TBC1D22A: variants seen among roughly 807,000 people sequenced by gnomAD.
TBC1D22A encodes the protein TBC1 domain family member 22A.
TBC1D22A carries 38 observed loss-of-function variants against 60.2 expected under a neutral mutation model. The observed-to-expected ratio is 0.63, with a 90% CI of 0.49 to 0.83. TBC1D22A has a LOEUF of 0.83. TBC1D22A is among the 40% of genes least tolerant of loss of function. TBC1D22A has a pLI of 0.00. For missense variants in TBC1D22A, 628 were observed against 701.0 expected, an observed-to-expected ratio of 0.90 and a Z score of 1.18; for synonymous variants, 302 against 281.7, an observed-to-expected ratio of 1.07 and a Z score of -0.72.
chr22:47,028,521 C>T lies in TBC1D22A; in HGVS notation c.1202-8550C>T, dbSNP rs571532922. On this transcript the variant is annotated intron_variant, in intron 10 of 12. Coordinates refer to ENST00000337137, the MANE Select transcript of TBC1D22A (RefSeq NM_014346.5). This position sits in a 1 kb window ranked among gnomAD's most constrained non-coding sequence, Gnocchi z 4.4. ...CCTGTCCCTCGGTCCCTGTCCCCCA[C>T]GGCCCAGGTTCTGAGAGTGAGTGGT... is the stretch of plus-strand genomic sequence containing the variant. Among the ~76,000 whole-genome samples, 128 of 135,896 alleles carry T rather than the reference C, an allele frequency of 9.4e-4. No individual in the cohort carries two copies. The highest frequency in any genetic ancestry group is 1.2e-3 in the Non-Finnish European group (77 of 64,200). 89.2% of individuals were successfully genotyped at this position (135,896 alleles called of 152,430 possible). A position where few individuals can be genotyped will look rare whatever the true frequency, so the allele number is the denominator to read the frequency against.
At chr22:46,785,226 G>A (rs536567060) in intron 1 of TBC1D22A, among the ~76,000 whole-genome samples, 51 of 152,286 alleles carry the variant, frequency 3.3e-4, no homozygotes, top group South Asian at 3.1e-3. Flanking sequence ...AATTATAAGA[G>A]GGCTGATTCA....
chr22:46,835,256 T>G (rs550393527), intron 4 of TBC1D22A, among the ~76,000 whole-genome samples: 1 of 152,334 alleles, frequency 6.6e-6, no homozygotes, highest in Middle Eastern at 3.4e-3. Context: ...AAGAACATTA[T>G]AACTTTTCAG....
intron 11 of TBC1D22A, among the ~76,000 whole-genome samples, chr22:47,040,229 G>A (rs528294599): frequency 1.3e-5 from 2 of 152,294 alleles, no homozygotes; most frequent in African/African-American, 4.8e-5. Context: ...ACAGGTGTGA[G>A]CCACCACGCC....
intron 10 of TBC1D22A, among the ~76,000 whole-genome samples, chr22:47,016,363 G>A (rs1362616330): frequency 6.6e-6 from 1 of 152,054 alleles, no homozygotes; most frequent in Non-Finnish European, 1.5e-5. Flanking sequence ...CCCGCTACAT[G>A]AGTGGTTACC....
At chr22:46,965,001 C>T (rs1384456694) in intron 8 of TBC1D22A, among the ~76,000 whole-genome samples, 1 of 152,124 alleles carries the variant, frequency 6.6e-6, no homozygotes, top group African/African-American at 2.4e-5. Context: ...ACTTTGGGGC[C>T]GAGCGTCAGA....
intron 11 of TBC1D22A, among the ~76,000 whole-genome samples, chr22:47,045,423 G>T (rs2063000833): frequency 1.3e-5 from 2 of 152,206 alleles, no homozygotes; most frequent in Non-Finnish European, 2.9e-5. Context: ...GAGGTGTCAG[G>T]CGGCACTGTT....
chr22:46,864,337 C>G (rs1281851285), intron 4 of TBC1D22A, among the ~76,000 whole-genome samples: 3 of 152,192 alleles, frequency 2.0e-5, no homozygotes, highest in Non-Finnish European at 4.4e-5. Context: ...CAGCCACTAT[C>G]CCTTGCTGCG....
At chr22:47,053,631 G>T (rs1373508690) in intron 11 of TBC1D22A, among the ~76,000 whole-genome samples, 1 of 151,278 alleles carries the variant, frequency 6.6e-6, no homozygotes, top group African/African-American at 2.5e-5. Context: ...GTGCACAGCA[G>T]GAGGTTGAGA....
At chr22:47,079,458 T>C (rs1362315572) in intron 11 of TBC1D22A, among the ~76,000 whole-genome samples, 1 of 152,002 alleles carries the variant, frequency 6.6e-6, no homozygotes, top group Non-Finnish European at 1.5e-5. Flanking sequence ...TACCTTCCCA[T>C]GGAAAAGAAA....
At chr22:46,832,913 G>A (rs995327583) in intron 4 of TBC1D22A, among the ~76,000 whole-genome samples, 7 of 152,180 alleles carry the variant, frequency 4.6e-5, no homozygotes, top group Admixed American at 4.6e-4. Flanking sequence ...ACAGGGACAG[G>A]GAAGGGCGGA....
At chr22:46,786,454 C>G (rs1186905811) in intron 1 of TBC1D22A, among the ~76,000 whole-genome samples, 2 of 151,988 alleles carry the variant, frequency 1.3e-5, no homozygotes, top group Non-Finnish European at 2.9e-5. Context: ...ATAAGAGATA[C>G]TGGTTTGTAG....
intron 4 of TBC1D22A, among the ~76,000 whole-genome samples, chr22:46,804,092 A>G (rs1002369064): frequency 6.6e-5 from 10 of 152,108 alleles, no homozygotes; most frequent in Admixed American, 3.3e-4. Flanking sequence ...ATGCGATGGC[A>G]CCTCCTTGAG....
chr22:46,828,231 C>T (rs1228047559), intron 4 of TBC1D22A, among the ~76,000 whole-genome samples: 1 of 152,198 alleles, frequency 6.6e-6, no homozygotes, highest in African/African-American at 2.4e-5. Context: ...CATGATTTCT[C>T]ACCCACGGAT....
intron 11 of TBC1D22A, among the ~76,000 whole-genome samples, chr22:47,090,306 G>A (rs912514194): frequency 2.7e-5 from 4 of 149,764 alleles, no homozygotes; most frequent in Non-Finnish European, 4.5e-5. Flanking sequence ...TATAGGCACA[G>A]GAGACCCAGT....
At chr22:46,766,488 T>C (rs942408418) in intron 1 of TBC1D22A, among the ~76,000 whole-genome samples, 1 of 152,186 alleles carries the variant, frequency 6.6e-6, no homozygotes, top group African/African-American at 2.4e-5. Context: ...GGAGGAAGAC[T>C]ACACCCACTG....
intron 11 of TBC1D22A, among the ~76,000 whole-genome samples, chr22:47,111,243 T>C (rs369565681): frequency 1.3e-5 from 2 of 152,258 alleles, no homozygotes; most frequent in Admixed American, 1.3e-4. Context: ...GAGAGAAGAA[T>C]GAACAACCGC....
At chr22:46,997,118 A>AGT (rs1569317290) in intron 9 of TBC1D22A, among the ~76,000 whole-genome samples, 1 of 152,162 alleles carries the variant, frequency 6.6e-6, no homozygotes, top group African/African-American at 2.4e-5. Flanking sequence ...ACCCAACTAT[A>AGT]TCTCTGAGAG....
At chr22:46,936,375 G>T (rs563723813) in intron 8 of TBC1D22A, among the ~76,000 whole-genome samples, 1 of 152,038 alleles carries the variant, frequency 6.6e-6, no homozygotes, top group Non-Finnish European at 1.5e-5. Context: ...GCATGCCCTC[G>T]TGGCTCCCCG....
chr22:47,035,432 AACAGCCTTT>A (rs1426865493), intron 10 of TBC1D22A, among the ~76,000 whole-genome samples: 1 of 152,164 alleles, frequency 6.6e-6, no homozygotes, highest in Non-Finnish European at 1.5e-5. Context: ...TGGGGCTCAG[AACAGCCTTT>A]GCTGTTCTGC....
Sources: allele counts gnomAD v4.1 joint callset (sites outside exome capture counted in the v4.1 genomes callset), GRCh38; gene constraint gnomAD v4.1.1; non-coding constraint Gnocchi (gnomAD v3.1); transcripts MANE v1.5; gene names NCBI Gene and HGNC (gene_info 2026-07-23, HGNC 2026-07-21).